Variants in NFATC1 observed in about 807,000 individuals in gnomAD.
NFATC1 encodes nuclear factor of activated T-cells, cytoplasmic 1.
NFATC1 carries 22 observed loss-of-function variants against 76.0 expected under a neutral mutation model. The ratio of observed to expected loss-of-function variants is 0.29; its 90% CI spans 0.21 to 0.41. The LOEUF (loss-of-function observed/expected upper bound fraction) is 0.41, where lower values mean the gene tolerates loss of function less well. Among genes scored for constraint, NFATC1 ranks in the 10% least tolerant of loss-of-function variants. The pLI is 1.00. For synonymous variants in NFATC1, 704 were observed against 613.1 expected (o/e 1.15, Z -2.19); for missense variants, 1,357 against 1,337.7 (o/e 1.01, Z -0.23).
chr18:79,452,952 G>A (rs142696975), intron 6 of NFATC1, among the ~76,000 whole-genome samples: 7 of 152,344 alleles, frequency 4.6e-5, no homozygotes, highest in South Asian at 4.1e-4. Context: ...ACAGTTTGCC[G>A]GAAACTTAAG....
intron 1 of NFATC1, among the ~76,000 whole-genome samples, chr18:79,408,614 C>T (rs1461797836): frequency 6.6e-6 from 1 of 152,234 alleles, no homozygotes; most frequent in African/African-American, 2.4e-5. Flanking sequence ...TTCATCCAAT[C>T]CTTGAGGAGT....
chr18:79,413,706 C>T (rs1247240037), intron 2 of NFATC1, among the ~76,000 whole-genome samples: 1 of 152,248 alleles, frequency 6.6e-6, no homozygotes, highest in Non-Finnish European at 1.5e-5. Flanking sequence ...TTTGAAAGCG[C>T]AAGCTCGTCC....
chr18:79,455,622 C>T (rs534373164), intron 6 of NFATC1, among the ~76,000 whole-genome samples: 100 of 152,262 alleles, frequency 6.6e-4, no homozygotes, highest in Non-Finnish European at 1.3e-3. Flanking sequence ...ACGGTGGGAG[C>T]GAGTAGACAG....
intron 2 of NFATC1, chr18:79,421,123 T>TTG (rs1248343819): frequency 2.0e-5 from 3 of 152,272 alleles, no homozygotes; most frequent in African/African-American, 7.2e-5. Context: ...CCACACACAC[T>TTG]TCTACGCTGG....
intron 8 of NFATC1, among the ~76,000 whole-genome samples, chr18:79,475,893 G>T (rs1267288686): frequency 2.0e-5 from 3 of 152,254 alleles, no homozygotes; most frequent in Non-Finnish European, 4.4e-5. Flanking sequence ...GATTGCTCCT[G>T]CAGAAATCAG....
At chr18:79,400,437 G>C in intron 1 of NFATC1, 1 of 1,493,500 alleles carries the variant, frequency 6.7e-7, no homozygotes, top group African/African-American at 1.5e-5. Flanking sequence ...GTTCCTCTTC[G>C]AGTTTAACCA....
intron 6 of NFATC1, among the ~76,000 whole-genome samples, chr18:79,461,095 T>G (rs2304737): frequency 0.26 from 39,154 of 151,980 alleles, 6,525 homozygotes; most frequent in African/African-American, 0.47. Flanking sequence ...TTCTCCAGGC[T>G]CCCAGGGCAA....
chr18:79,473,296 G>A (rs2088860515), intron 8 of NFATC1, among the ~76,000 whole-genome samples: 1 of 152,272 alleles, frequency 6.6e-6, no homozygotes, highest in Non-Finnish European at 1.5e-5. Flanking sequence ...CCACCTGAGG[G>A]AGACAGCTTT....
intron 2 of NFATC1, among the ~76,000 whole-genome samples, chr18:79,420,359 T>G (rs1219190877): frequency 8.4e-6 from 1 of 118,376 alleles, no homozygotes; most frequent in African/African-American, 3.5e-5. Context: ...CGTTTCCAGG[T>G]GACGTCGCTG....
intron 2 of NFATC1, among the ~76,000 whole-genome samples, chr18:79,427,568 T>C (rs1600681316): frequency 4.8e-5 from 1 of 21,050 alleles, no homozygotes; most frequent in Non-Finnish European, 8.4e-5. Flanking sequence ...CTCTGTGCAG[T>C]GGGTCGGGGG....
Position 79,410,132 on chromosome 18 carries a change from A to G in NFATC1, c.128-271A>G. ...AGGACCCGGCCGCCTCTCCCTGGGAAGGACGTTCGGGGGCTTGTGCTGCTG... is the reference window on the plus strand; with the variant it reads ...AGGACCCGGCCGCCTCTCCCTGGGAGGGACGTTCGGGGGCTTGTGCTGCTG... On this transcript the variant is annotated intron_variant, in intron 1 of 9. Transcript: ENST00000427363. The surrounding 1 kb of genome is among the most constrained non-coding windows in gnomAD (Gnocchi z 6.7). 1.3e-6 allele frequency: 1 copy of G among 745,520 alleles called. No individual in the cohort carries two copies. 46.2% of individuals were successfully genotyped at this position (745,520 alleles called of 1,614,324 possible).
intron 9 of NFATC1, among the ~76,000 whole-genome samples, chr18:79,511,016 C>T (rs567105850): frequency 1.3e-5 from 2 of 152,342 alleles, no homozygotes; most frequent in Non-Finnish European, 2.9e-5. Flanking sequence ...TGGTCGCTGG[C>T]GAGGCCTGGC....
In NFATC1 at chr18:79,410,447, C is replaced by T; in HGVS notation, c.172C>T (p.Leu58Phe). 2 of 1,612,188 alleles carry T rather than the reference C, an allele frequency of 1.2e-6. No individual in the cohort carries two copies. The highest frequency in any genetic ancestry group is 2.2e-5 in the East Asian group (1 of 44,870). Residue 58 changes from leucine to phenylalanine, a missense_variant, in exon 2 of 10, where the codon CTC becomes TTC. Coordinates refer to ENST00000427363, the MANE Select transcript of NFATC1 (RefSeq NM_001278669.2). The surrounding 1 kb of genome is among the most constrained non-coding windows in gnomAD (Gnocchi z 6.7). The part of the protein sequence containing the change: ...ASSNVSPALP[L>F]PTAHSTLPAP... ...CTCCAACGTCAGCCCCGCCCTGCCG[C>T]TCCCCACGGCGCACTCCACCCTGCC... is the stretch of plus-strand genomic sequence containing the variant.
Position 79,527,646 on chromosome 18 carries a change from T to C in NFATC1, c.*69T>C. ...CAGCAGACAAAGACTTTTGAATAAATAAACTGAACTCACACCTGGTACCAC... is the reference window on the plus strand; with the variant it reads ...CAGCAGACAAAGACTTTTGAATAAACAAACTGAACTCACACCTGGTACCAC... On this transcript the variant is annotated 3_prime_UTR_variant, in exon 10 of 10. Transcript: ENST00000427363. 7.2e-7 allele frequency: 1 copy of C among 1,394,930 alleles called. No homozygotes were observed. The highest frequency in any genetic ancestry group is 1.0e-6 in the Non-Finnish European group (1 of 983,884). The allele number at this position is 1,394,930 out of a possible 1,614,324, so 86.4% of individuals were successfully genotyped here. A position where few individuals can be genotyped will look rare whatever the true frequency, so the allele number is the denominator to read the frequency against.
chr18:79,451,388 C>T (rs1251062197), intron 5 of NFATC1, among the ~76,000 whole-genome samples: 2 of 152,264 alleles, frequency 1.3e-5, no homozygotes, highest in African/African-American at 2.4e-5. Context: ...CTTCCCCTCA[C>T]GCTGCGCTGA....
At chr18:79,494,805 A>G (rs1369773877) in intron 9 of NFATC1, among the ~76,000 whole-genome samples, 2 of 73,144 alleles carry the variant, frequency 2.7e-5, no homozygotes. Flanking sequence ...TCGACCTGGT[A>G]CCGCCGGGGG....
At chr18:79,398,383 G>C (rs1037354506) in intron 1 of NFATC1, among the ~76,000 whole-genome samples, 1 of 152,242 alleles carries the variant, frequency 6.6e-6, no homozygotes, top group East Asian at 1.9e-4. Flanking sequence ...CACACCCAGC[G>C]GGGCTTCTGT....
chr18:79,520,969 G>T (rs1157172239), intron 9 of NFATC1, among the ~76,000 whole-genome samples: 27 of 111,926 alleles, frequency 2.4e-4, no homozygotes, highest in Non-Finnish European at 4.6e-4. Context: ...GTGTGTGGGG[G>T]GGCATCCGCT....
chr18:79,406,467 G>T (rs1281007718), intron 1 of NFATC1, among the ~76,000 whole-genome samples: 1 of 152,132 alleles, frequency 6.6e-6, no homozygotes, highest in Non-Finnish European at 1.5e-5. Context: ...TGTTCCCTCA[G>T]TTCCGCTGCT....
Sources: gnomAD v4.1 joint callset for allele counts (sites outside exome capture counted in the v4.1 genomes callset) on GRCh38, gnomAD v4.1.1 for gene constraint, Gnocchi (gnomAD v3.1) non-coding constraint, MANE v1.5 for transcripts, NCBI Gene and HGNC (gene_info 2026-07-23, HGNC 2026-07-21) for gene names.